Variants in COL25A1 observed in about 807,000 individuals in gnomAD.
The protein encoded by COL25A1 is collagen type XXV alpha 1 chain.
A neutral mutation model predicts 128.4 loss-of-function variants in COL25A1; 103 were observed. The observed-to-expected ratio is 0.80, with a 90% CI of 0.68 to 0.94. The LOEUF is 0.94. COL25A1 is among the 40% of genes least tolerant of loss of function. The pLI, the probability that COL25A1 is intolerant of heterozygous loss-of-function variation, is 0.00. For missense variants in COL25A1, 745 were observed against 840.0 expected (o/e 0.89, Z 1.40); for synonymous variants, 279 against 277.2 (o/e 1.01, Z -0.06).
intron 13 of COL25A1, among the ~76,000 whole-genome samples, chr4:108,903,454 C>A (rs1229010994): frequency 1.3e-5 from 2 of 151,966 alleles, no homozygotes; most frequent in Non-Finnish European, 2.9e-5. Flanking sequence ...ATAGTTTAAT[C>A]ATCTATCAAA....
chr4:108,915,658 C>T (rs971677362), intron 13 of COL25A1, among the ~76,000 whole-genome samples: 11 of 152,080 alleles, frequency 7.2e-5, no homozygotes, highest in Admixed American at 1.3e-4. Context: ...TCAAGCAATC[C>T]TTCTGCCTGA....
At chr4:109,262,872 G>A (rs998872793) in intron 3 of COL25A1, among the ~76,000 whole-genome samples, 4 of 152,160 alleles carry the variant, frequency 2.6e-5, no homozygotes, top group African/African-American at 9.7e-5. Flanking sequence ...AGTCATGCCT[G>A]TAATCCCAGC....
At chr4:109,261,566 G>A (rs540329716) in intron 3 of COL25A1, among the ~76,000 whole-genome samples, 187 of 152,170 alleles carry the variant, frequency 1.2e-3, no homozygotes, top group African/African-American at 4.2e-3. Context: ...TTTGTTTCCC[G>A]TTAGTAGGCA....
chr4:108,937,837 G>C lies in COL25A1; in HGVS notation c.679C>G (p.Pro227Ala). Residue 227 changes from proline to alanine, a missense_variant, in exon 11 of 38, where the codon CCA (proline) becomes GCA (alanine). By Grantham distance (27) the Pro-to-Ala change is conservative. Transcript: ENST00000399132. Reference protein sequence around the residue: ...PRGMPGVPGEPGKPGEQGLMG... With the variant: ...PRGMPGVPGEAGKPGEQGLMG... ...AAGCCTTGTTCTCCTGGCTTTCCTG[G>C]TTCACCCTTAAAAAAGAATAGTGAT... The C allele has an allele frequency of 6.2e-7, 1 of 1,606,312 alleles. No homozygotes were observed. The highest frequency in any genetic ancestry group is 8.5e-7 in the Non-Finnish European group (1 of 1,176,702).
At chr4:108,931,570 G>C (rs1306513938) in intron 11 of COL25A1, among the ~76,000 whole-genome samples, 1 of 152,152 alleles carries the variant, frequency 6.6e-6, no homozygotes, top group Non-Finnish European at 1.5e-5. Context: ...GTTTCTAGGA[G>C]ACAGAACCAG....
At chr4:109,251,316 A>G (rs1012631751) in intron 3 of COL25A1, among the ~76,000 whole-genome samples, 4 of 152,226 alleles carry the variant, frequency 2.6e-5, no homozygotes, top group Admixed American at 2.6e-4. Flanking sequence ...CAATCACATT[A>G]GCTGACTATG....
intron 3 of COL25A1, among the ~76,000 whole-genome samples, chr4:109,209,987 G>C (rs1169321149): frequency 6.6e-6 from 1 of 151,654 alleles, no homozygotes; most frequent in East Asian, 1.9e-4. Context: ...GGAGGCAGAG[G>C]TTGCAGTGAG....
intron 13 of COL25A1, among the ~76,000 whole-genome samples, chr4:108,907,079 C>T (rs1743617943): frequency 6.6e-6 from 1 of 152,176 alleles, no homozygotes; most frequent in Admixed American, 6.5e-5. Context: ...GAAATGTTAA[C>T]CCTGCAGTGG....
At chr4:108,877,934 A>T (rs1739655260) in intron 19 of COL25A1, among the ~76,000 whole-genome samples, 1 of 152,216 alleles carries the variant, frequency 6.6e-6, no homozygotes, top group Non-Finnish European at 1.5e-5. Context: ...TAAAATGGTT[A>T]TTGGGACAGT....
chr4:109,180,017 C>T (rs766561426), intron 3 of COL25A1, among the ~76,000 whole-genome samples: 3 of 152,118 alleles, frequency 2.0e-5, no homozygotes, highest in Non-Finnish European at 4.4e-5. Flanking sequence ...TAACACTCTG[C>T]TTCTAGTATA....
chr4:109,242,387 A>T (rs1779951590), intron 3 of COL25A1, among the ~76,000 whole-genome samples: 1 of 152,074 alleles, frequency 6.6e-6, no homozygotes, highest in Non-Finnish European at 1.5e-5. Flanking sequence ...TGCAATAAAC[A>T]CACATACCAA....
At chr4:109,026,147 A>G (rs1435436218) in intron 5 of COL25A1, among the ~76,000 whole-genome samples, 1 of 143,002 alleles carries the variant, frequency 7.0e-6, no homozygotes, top group African/African-American at 2.8e-5. Flanking sequence ...TATACTCTTA[A>G]ATTAGTTCGC....
chr4:109,014,645 T>C (rs888877781), intron 5 of COL25A1, among the ~76,000 whole-genome samples: 8 of 152,242 alleles, frequency 5.3e-5, no homozygotes, highest in Admixed American at 5.2e-4. Context: ...CATAAATGAC[T>C]GTTTACTACT....
At chr4:109,116,810 T>TA (rs1476174619) in intron 3 of COL25A1, among the ~76,000 whole-genome samples, 2 of 151,852 alleles carry the variant, frequency 1.3e-5, no homozygotes, top group Non-Finnish European at 1.5e-5. Context: ...ACAGAAATTA[T>TA]AAAAAAGCAT....
intron 31 of COL25A1, 144 bp downstream of exon 31, chr4:108,841,551 T>G: frequency 1.5e-6 from 1 of 651,876 alleles, no homozygotes; most frequent in East Asian, 2.8e-5. Context: ...TGTTATGAGA[T>G]TTAAACATAT....
At chr4:109,099,921 AT>A (rs1765738362) in intron 3 of COL25A1, among the ~76,000 whole-genome samples, 2 of 152,092 alleles carry the variant, frequency 1.3e-5, no homozygotes, top group Non-Finnish European at 2.9e-5. Context: ...CAGAGATATG[AT>A]TTTTTTCACC....
At position 108,951,454 on chromosome 4, in the gene COL25A1, C is replaced by T. The variant is rs142756421; in HGVS notation, c.493-10017G>A. ...AGGCTGGAGTGCAGTGGTGCTATCT[C>T]GGCTCACTGCAACCTCCGCCTCCCA... On this transcript the variant is annotated intron_variant, in intron 8 of 37. Transcript: ENST00000399132. Among the ~76,000 whole-genome samples the T allele has an allele frequency of 3.2e-4, 48 of 149,946 alleles. 1 individual carries two copies. The East Asian group carries it at 8.0e-3, about 25-fold the overall frequency.
intron 27 of COL25A1, among the ~76,000 whole-genome samples, chr4:108,848,451 A>G (rs1735364102): frequency 6.6e-6 from 1 of 152,210 alleles, no homozygotes; most frequent in Non-Finnish European, 1.5e-5. Context: ...ATTTGTATTC[A>G]CTGACAAAAA....
chr4:108,819,176 C>T, intron 36 of COL25A1, 76 bp downstream of exon 36: 1 of 1,183,894 alleles, frequency 8.4e-7, no homozygotes, highest in South Asian at 1.4e-5. Context: ...GAAAGCACCA[C>T]TTTACACTGA....
Sources: gnomAD v4.1 joint callset for allele counts (sites outside exome capture counted in the v4.1 genomes callset) on GRCh38, gnomAD v4.1.1 for gene constraint, MANE v1.5 for transcripts, NCBI Gene and HGNC (gene_info 2026-07-23, HGNC 2026-07-21) for gene names.